The following MPP3 variants were observed in gnomAD, a reference collection of about 807,000 sequenced individuals.
MPP3 encodes MAGUK p55 scaffold protein 3.
A neutral mutation model predicts 80.7 loss-of-function variants in MPP3; 48 were observed. The observed-to-expected ratio is 0.59, with a 90% CI of 0.47 to 0.76. The LOEUF is 0.76. MPP3 is among the 30% of genes least tolerant of loss of function. The pLI is 0.00. For missense variants in MPP3, 620 were observed against 763.0 expected (o/e 0.81, Z 2.21); for synonymous variants, 311 against 297.6 (o/e 1.04, Z -0.46).
At chr17:43,825,464 C>T (rs1567821798) in intron 9 of MPP3, 1 of 305,578 alleles carries the variant, frequency 3.3e-6, no homozygotes, top group African/African-American at 2.1e-5. Context: ...AGCCAGGATT[C>T]ACACCCAGGA....
At chr17:43,830,169 G>C in intron 5 of MPP3, 62 bp from the exon 6 acceptor site, 2 of 1,301,996 alleles carry the variant, frequency 1.5e-6, no homozygotes, top group Non-Finnish European at 2.1e-6. Context: ...TATCTGCTGG[G>C]TCCTTCCTCT....
chr17:43,810,926 A>G lies in MPP3; in HGVS notation c.1350-11T>C, dbSNP rs1433678237. The G allele has an allele frequency of 2.5e-6, 4 of 1,585,046 alleles. No individual in the cohort carries two copies. In the South Asian group the frequency reaches 4.6e-5, roughly 18 times the overall value. On this transcript the variant is annotated splice_polypyrimidine_tract_variant and intron_variant, in intron 17 of 19. Transcript: ENST00000398389. ...CCATGTTCCAGGAACCTAAAACACC[A>G]CCAAAGGGGAAAAGGCCTTTAGTTC...
intron 16 of MPP3, chr17:43,811,576 G>GTTT: frequency 5.9e-6 from 1 of 168,292 alleles, no homozygotes; most frequent in Non-Finnish European, 1.3e-5. Context: ...CTGATGCTGT[G>GTTT]TTTTTTTTTT....
At chr17:43,827,622 G>T in intron 8 of MPP3, 129 bp downstream of exon 8, 1 of 833,660 alleles carries the variant, frequency 1.2e-6, no homozygotes, top group Non-Finnish European at 1.9e-6. Context: ...CACAACCCCA[G>T]AAAGCAAAGC....
chr17:43,830,123 C>G lies in MPP3; in HGVS notation c.223-16G>C. 2 of 1,514,858 alleles carry G rather than the reference C, an allele frequency of 1.3e-6. No homozygotes were observed. The highest frequency in any genetic ancestry group is 1.8e-6 in the Non-Finnish European group (2 of 1,131,362). 93.8% of individuals were successfully genotyped at this position (1,514,858 alleles called of 1,614,324 possible). On this transcript the variant is annotated splice_polypyrimidine_tract_variant and intron_variant, in intron 5 of 19. Transcript: ENST00000398389. The stretch of plus-strand genomic sequence containing the variant: ...CCTCCATCACCTGCAGAGAATGAGA[C>G]AGGCGCCACTGATGGCTAGAGGTGC...
chr17:43,806,164 T>TTTAA (rs1231248612), intron 19 of MPP3, among the ~76,000 whole-genome samples: 3 of 152,036 alleles, frequency 2.0e-5, no homozygotes, highest in Admixed American at 1.3e-4. Flanking sequence ...TATTTATTTA[T>TTTAA]TTAATTAATT....
At position 43,801,491 on chromosome 17, in the gene MPP3, C is replaced by T. The variant is rs1049431341; in HGVS notation, c.*210G>A. 1.8e-6 allele frequency: 1 copy of T among 546,582 alleles called. No individual in the cohort carries two copies. Among genetic ancestry groups the T allele is most frequent in the East Asian group, 3.2e-5 (1 of 31,502 alleles). 33.9% of individuals were successfully genotyped at this position (546,582 alleles called of 1,614,324 possible). On this transcript the variant is annotated 3_prime_UTR_variant, in exon 20 of 20. Transcript: ENST00000398389. ...GAAATGTGTTGTTTTCTGATATGCCCCTTTCAAATCATGATCCAAAGAGGT... is the reference window on the plus strand; with the variant it reads ...GAAATGTGTTGTTTTCTGATATGCCTCTTTCAAATCATGATCCAAAGAGGT...
At chr17:43,823,861 A>C (rs2045573659) in intron 10 of MPP3, 70 bp downstream of exon 10, 1 of 1,116,462 alleles carries the variant, frequency 9.0e-7, no homozygotes, top group South Asian at 1.3e-5. Context: ...ACTGGACTGG[A>C]TCCAGCCCCC....
intron 11 of MPP3, 34 bp from the exon 12 acceptor site, chr17:43,818,144 A>G: frequency 1.4e-6 from 2 of 1,455,206 alleles, no homozygotes; most frequent in East Asian, 2.7e-5. Flanking sequence ...CGGGCCCGTG[A>G]GCTGGGCCAG....
chr17:43,820,470 T>C (rs1567814288), intron 11 of MPP3, among the ~76,000 whole-genome samples: 8 of 151,688 alleles, frequency 5.3e-5, no homozygotes, highest in African/African-American at 1.9e-4. Flanking sequence ...TGCACGCCTG[T>C]AATCTCAGCT....
chr17:43,806,588 A>T (rs1259641362), intron 19 of MPP3, among the ~76,000 whole-genome samples: 1 of 152,018 alleles, frequency 6.6e-6, no homozygotes, highest in Non-Finnish European at 1.5e-5. Context: ...TTTTTTTGTT[A>T]TATGATGGGC....
chr17:43,818,242 C>T (rs1168210792), intron 11 of MPP3, 132 bp from the exon 12 acceptor site: 7 of 661,728 alleles, frequency 1.1e-5, no homozygotes, highest in East Asian at 1.0e-4. Flanking sequence ...CTCTGAGGGC[C>T]TCCTGCTTAG....
intron 9 of MPP3, chr17:43,825,537 GAGA>G (rs2045654054): frequency 2.0e-6 from 1 of 505,732 alleles, no homozygotes; most frequent in South Asian, 2.6e-5. Context: ...CTGTGCTGAG[GAGA>G]AGGTCTAAGA....
rs2045659941 is a variant in MPP3 at position 43,825,683 on chromosome 17, C to T, written c.609+73G>A. 45 of 1,053,706 alleles carry T rather than the reference C, an allele frequency of 4.3e-5. No individual in the cohort carries two copies. In the South Asian group the frequency reaches 5.7e-4, roughly 13 times the overall value. 65.3% of individuals were successfully genotyped at this position (1,053,706 alleles called of 1,614,324 possible). A position where few individuals can be genotyped will look rare whatever the true frequency, so the allele number is the denominator to read the frequency against. The stretch of plus-strand genomic sequence containing the variant: ...ACAGCAAGGCTAAGCCAGAATCTGT[C>T]CTGGCTCCAGGAAGTGCCTTGCTCT... On this transcript the variant is annotated intron_variant, in intron 9 of 19. Coordinates refer to ENST00000398389, the MANE Select transcript of MPP3 (RefSeq NM_001932.6).
Position 43,801,980 on chromosome 17 carries a change from T to G in MPP3, c.1582-103A>C. On this transcript the variant is annotated intron_variant, in intron 19 of 19. Transcript: ENST00000398389. ...GTTCCAACCTTTAACTTTTAAGTGA[T>G]GAGTGGATGACTAGGTCCCACTGAT... The G allele has an allele frequency of 4.2e-6, 5 of 1,190,368 alleles. No individual in the cohort carries two copies. The South Asian group carries it at 7.5e-5, about 18-fold the overall frequency. 73.7% of individuals were successfully genotyped at this position (1,190,368 alleles called of 1,614,324 possible). A position where few individuals can be genotyped will look rare whatever the true frequency, so the allele number is the denominator to read the frequency against.
At chr17:43,816,575 G>T in intron 13 of MPP3, 102 bp downstream of exon 13, 1 of 1,093,916 alleles carries the variant, frequency 9.1e-7, no homozygotes, top group Non-Finnish European at 1.4e-6. Flanking sequence ...AGTGGGAGGG[G>T]CACAGCTGCC....
intron 16 of MPP3, 37 bp downstream of exon 16, chr17:43,813,974 T>C (rs780631470): frequency 6.7e-7 from 1 of 1,502,426 alleles, no homozygotes. Context: ...TTTGTGTGTG[T>C]GCAGACAAAC....
At chr17:43,806,606 ATG>A (rs2044627295) in intron 19 of MPP3, among the ~76,000 whole-genome samples, 1 of 151,968 alleles carries the variant, frequency 6.6e-6, no homozygotes, top group African/African-American at 2.4e-5. Context: ...GGCATACTGT[ATG>A]TTTCTTTTTT....
At chr17:43,825,979 T>C in intron 8 of MPP3, 138 bp from the exon 9 acceptor site, 2 of 629,616 alleles carry the variant, frequency 3.2e-6, no homozygotes, top group South Asian at 1.9e-5. Context: ...TGGGTGGGAC[T>C]GGGGCGAACT....
Sources: gnomAD v4.1 joint callset for allele counts (sites outside exome capture counted in the v4.1 genomes callset) on GRCh38, gnomAD v4.1.1 for gene constraint, MANE v1.5 for transcripts, NCBI Gene and HGNC (gene_info 2026-07-23, HGNC 2026-07-21) for gene names.